PLCXD3: variants seen among roughly 807,000 people sequenced by gnomAD.
PLCXD3 encodes the protein PI-PLC X domain-containing protein 3.
Under a neutral mutation model 25.5 loss-of-function variants are expected in PLCXD3, and 19 were observed. That is an observed-to-expected ratio of 0.75 (90% CI 0.52 to 1.09). The LOEUF (loss-of-function observed/expected upper bound fraction) is 1.09. Ranked by LOEUF, PLCXD3 falls within the 50% of genes least tolerant of loss-of-function variation. PLCXD3 has a pLI of 0.00. For synonymous variants in PLCXD3, 174 were observed against 137.6 expected (o/e 1.26, Z -1.85); for missense variants, 411 against 388.1 (o/e 1.06, Z -0.50).
intron 2 of PLCXD3, among the ~76,000 whole-genome samples, chr5:41,379,046 G>T (rs1745377672): frequency 6.6e-6 from 1 of 152,070 alleles, no homozygotes; most frequent in South Asian, 2.1e-4. Context: ...GTTTTGCTAA[G>T]CATAGAACTA....
At chr5:41,369,422 A>G (rs1217143796) in intron 2 of PLCXD3, among the ~76,000 whole-genome samples, 1 of 152,138 alleles carries the variant, frequency 6.6e-6, no homozygotes, top group African/African-American at 2.4e-5. Flanking sequence ...TTGAAAATGA[A>G]CCACAAAAAC....
intron 1 of PLCXD3, among the ~76,000 whole-genome samples, chr5:41,411,186 G>A (rs971256303): frequency 6.6e-6 from 1 of 152,144 alleles, no homozygotes; most frequent in African/African-American, 2.4e-5. Context: ...AACCAAGAAG[G>A]CCTCTGAAGC....
At chr5:41,492,042 C>T (rs923277232) in intron 1 of PLCXD3, among the ~76,000 whole-genome samples, 6 of 152,232 alleles carry the variant, frequency 3.9e-5, no homozygotes, top group African/African-American at 1.2e-4. Flanking sequence ...ATGGTCTTTA[C>T]AATTTGGCAT....
intron 1 of PLCXD3, among the ~76,000 whole-genome samples, chr5:41,465,979 A>G (rs900874301): frequency 6.6e-6 from 1 of 152,058 alleles, no homozygotes; most frequent in Admixed American, 6.6e-5. Flanking sequence ...CGTCATTTTT[A>G]CCTTTTCTCA....
chr5:41,312,685 T>TTCCCTTCCTTCCTTCCTTCC lies in PLCXD3; in HGVS notation c.*931_*932insGGAAGGAAGGAAGGAAGGGA, dbSNP rs1554041759. 9.6e-6 allele frequency: 1 copy of TTCCCTTCCTTCCTTCCTTCC among 104,678 alleles called. No individual in the cohort carries two copies. The highest frequency in any genetic ancestry group is 1.1e-4 in the Admixed American group (1 of 9,138). The allele number at this position is 104,678 out of a possible 1,614,324, so 6.5% of individuals were successfully genotyped here. A position where few individuals can be genotyped will look rare whatever the true frequency, so the allele number is the denominator to read the frequency against. ...CTTCCTCCCTCCCTTCCTTTCTTCC[T>TTCCCTTCCTTCCTTCCTTCC]TTCCTTCCTTCCTTCCTTCCTTCCT... On this transcript the variant is annotated 3_prime_UTR_variant, in exon 3 of 3. Coordinates refer to ENST00000377801, the MANE Select transcript of PLCXD3 (RefSeq NM_001005473.3).
At chr5:41,398,343 C>T (rs1389661340) in intron 1 of PLCXD3, among the ~76,000 whole-genome samples, 1 of 152,044 alleles carries the variant, frequency 6.6e-6, no homozygotes, top group East Asian at 1.9e-4. Context: ...TTTCCTCTCC[C>T]ATGCTCTGCC....
intron 1 of PLCXD3, among the ~76,000 whole-genome samples, chr5:41,502,808 G>C (rs1230246987): frequency 6.6e-6 from 1 of 152,128 alleles, no homozygotes; most frequent in Non-Finnish European, 1.5e-5. Context: ...AGTGAGACGA[G>C]AACATTAAGA....
At chr5:41,507,431 AC>A (rs1256077325) in intron 1 of PLCXD3, among the ~76,000 whole-genome samples, 4 of 152,346 alleles carry the variant, frequency 2.6e-5, no homozygotes, top group African/African-American at 9.6e-5. Flanking sequence ...AAATACTAAT[AC>A]CAATTACTAA....
chr5:41,381,712 G>T, intron 2 of PLCXD3, 114 bp downstream of exon 2: 1 of 907,846 alleles, frequency 1.1e-6, no homozygotes, highest in Non-Finnish European at 1.6e-6. Context: ...CTTTGCTATT[G>T]CAGCCCCAGG....
chr5:41,408,657 C>T (rs1174917567), intron 1 of PLCXD3, among the ~76,000 whole-genome samples: 1 of 152,042 alleles, frequency 6.6e-6, no homozygotes, highest in Non-Finnish European at 1.5e-5. Flanking sequence ...GTTATTAATA[C>T]TCATAAGAAG....
At chr5:41,361,875 T>G (rs1416541706) in intron 2 of PLCXD3, among the ~76,000 whole-genome samples, 1 of 152,216 alleles carries the variant, frequency 6.6e-6, no homozygotes, top group Non-Finnish European at 1.5e-5. Context: ...TACAAACTCT[T>G]GAATCATCAA....
intron 1 of PLCXD3, among the ~76,000 whole-genome samples, chr5:41,425,083 T>C (rs1431365437): frequency 6.6e-6 from 1 of 152,202 alleles, no homozygotes; most frequent in Admixed American, 6.5e-5. Flanking sequence ...AGCTATTAAA[T>C]ACTTGGTAAA....
intron 1 of PLCXD3, among the ~76,000 whole-genome samples, chr5:41,405,459 T>C (rs1171935646): frequency 6.6e-6 from 1 of 152,184 alleles, no homozygotes. Flanking sequence ...TATTGTTGGA[T>C]GTTATTACGA....
chr5:41,498,406 T>C (rs1316057321), intron 1 of PLCXD3, among the ~76,000 whole-genome samples: 1 of 151,072 alleles, frequency 6.6e-6, no homozygotes, highest in Admixed American at 6.6e-5. Context: ...ACCAAAAAAA[T>C]GGGATAAACC....
At chr5:41,417,610 T>C (rs537009858) in intron 1 of PLCXD3, among the ~76,000 whole-genome samples, 5 of 152,200 alleles carry the variant, frequency 3.3e-5, no homozygotes, top group African/African-American at 1.2e-4. Context: ...GAATAACACA[T>C]TGATATTAAC....
At chr5:41,495,287 C>T (rs1189345028) in intron 1 of PLCXD3, among the ~76,000 whole-genome samples, 1 of 152,184 alleles carries the variant, frequency 6.6e-6, no homozygotes, top group African/African-American at 2.4e-5. Context: ...TAGAAGAGAG[C>T]TAATGAGACC....
chr5:41,481,663 T>C (rs936468511), intron 1 of PLCXD3, among the ~76,000 whole-genome samples: 12 of 152,220 alleles, frequency 7.9e-5, no homozygotes, highest in African/African-American at 2.7e-4. Flanking sequence ...ACAAGTATGA[T>C]ATGATTCAAG....
intron 2 of PLCXD3, among the ~76,000 whole-genome samples, chr5:41,349,300 G>A (rs1401976874): frequency 2.0e-5 from 3 of 152,150 alleles, no homozygotes; most frequent in African/African-American, 7.2e-5. Flanking sequence ...GATCAAAGAA[G>A]CTATCAGAAG....
At chr5:41,473,194 A>C (rs1317710502) in intron 1 of PLCXD3, among the ~76,000 whole-genome samples, 1 of 152,180 alleles carries the variant, frequency 6.6e-6, no homozygotes, top group Non-Finnish European at 1.5e-5. Flanking sequence ...ATCCATAGGC[A>C]GATAATTGAG....
Sources: allele counts gnomAD v4.1 joint callset (sites outside exome capture counted in the v4.1 genomes callset), GRCh38; gene constraint gnomAD v4.1.1; transcripts MANE v1.5; gene names NCBI Gene and HGNC (gene_info 2026-07-23, HGNC 2026-07-21).